TTC3: variants seen among roughly 807,000 people sequenced by gnomAD.
TTC3 encodes the protein tetratricopeptide repeat domain 3, also known as E3 ubiquitin-protein ligase TTC3.
In TTC3, 180 loss-of-function variants were observed where a neutral mutation model predicts 249.6. That is an observed-to-expected ratio of 0.72 (90% CI 0.64 to 0.82). The LOEUF is 0.82. Ranked by LOEUF, TTC3 falls within the 40% of genes least tolerant of loss-of-function variation. TTC3 has a pLI of 0.00. For missense variants in TTC3, 2,061 were observed against 2,398.4 expected (o/e 0.86, Z 2.94); for synonymous variants, 717 against 805.0 (o/e 0.89, Z 1.85).
intron 10 of TTC3, among the ~76,000 whole-genome samples, chr21:37,105,976 A>G (rs1014828913): frequency 3.3e-5 from 5 of 152,216 alleles, no homozygotes; most frequent in African/African-American, 1.2e-4. Context: ...TTGTTGGGAC[A>G]GAGGGTATGC....
intron 13 of TTC3, among the ~76,000 whole-genome samples, chr21:37,123,480 T>C (rs546385763): frequency 2.0e-5 from 3 of 152,338 alleles, no homozygotes; most frequent in Admixed American, 2.0e-4. Flanking sequence ...ATACTTCCTA[T>C]TAGAAATAGG....
chr21:37,156,206 C>CTTTTTG (rs1555897043), intron 27 of TTC3, among the ~76,000 whole-genome samples: 2 of 69,124 alleles, frequency 2.9e-5, no homozygotes, highest in African/African-American at 1.0e-4. Flanking sequence ...CTGGCTAACT[C>CTTTTTG]TTTTTTTTTT....
rs573905982 is a variant in TTC3 at position 37,112,946 on chromosome 21, G to A, written c.900+4500G>A. Among the ~76,000 whole-genome samples the A allele has an allele frequency of 1.5e-3, 222 of 152,266 alleles. 2 individuals carry two copies. Among genetic ancestry groups the A allele is most frequent in the African/African-American group, 4.9e-3 (203 of 41,546 alleles). On this transcript the variant is annotated intron_variant, in intron 11 of 45. Transcript: ENST00000355666. ...ACAGAACCAATGACAAAAACCACAT[G>A]ATTATCTCAATAGATGCAGAAAAGT... is the stretch of plus-strand genomic sequence containing the variant.
intron 1 of TTC3, among the ~76,000 whole-genome samples, chr21:37,085,630 A>T (rs192836822): frequency 6.6e-6 from 1 of 152,352 alleles, no homozygotes; most frequent in Admixed American, 6.5e-5. Context: ...CGACCCAGGT[A>T]GTGATCTGAG....
At chr21:37,156,906 G>T (rs770924403) in exon 28 of TTC3, 3 of 1,613,006 alleles carry the variant, frequency 1.9e-6, no homozygotes, top group East Asian at 2.2e-5. Flanking sequence ...TGATATAATG[G>T]GTATGTGGAC....
intron 6 of TTC3, 158 bp downstream of exon 6, chr21:37,090,444 TG>T (rs1299440840): frequency 1.7e-6 from 1 of 592,250 alleles, no homozygotes; most frequent in Non-Finnish European, 2.1e-6. Context: ...CTCCTCATTT[TG>T]GGGGTTTGGA....
chr21:37,113,029 A>T (rs2075814163), intron 11 of TTC3, among the ~76,000 whole-genome samples: 1 of 152,242 alleles, frequency 6.6e-6, no homozygotes, highest in African/African-American at 2.4e-5. Context: ...TTAGGTATTG[A>T]TGGGATGTAT....
intron 6 of TTC3, among the ~76,000 whole-genome samples, chr21:37,091,006 G>A (rs2073191138): frequency 6.6e-6 from 1 of 152,172 alleles, no homozygotes; most frequent in Non-Finnish European, 1.5e-5. Context: ...GTCTGGCCAG[G>A]TTGTAGACCT....
chr21:37,191,604 G>GT (rs2084114762), intron 40 of TTC3, among the ~76,000 whole-genome samples, 180 bp downstream of exon 40: 1 of 152,032 alleles, frequency 6.6e-6, no homozygotes, highest in Non-Finnish European at 1.5e-5. Flanking sequence ...TTGAGTTGGA[G>GT]TTTCGCTCTT....
At chr21:37,077,099 G>C (rs1396349520) in intron 1 of TTC3, among the ~76,000 whole-genome samples, 1 of 116,088 alleles carries the variant, frequency 8.6e-6, no homozygotes, top group African/African-American at 2.9e-5. Context: ...CAATAAAGTT[G>C]CTTTTTTTTT....
intron 1 of TTC3, among the ~76,000 whole-genome samples, chr21:37,075,046 G>A (rs1473926365): frequency 6.6e-6 from 1 of 151,734 alleles, no homozygotes; most frequent in Non-Finnish European, 1.5e-5. Flanking sequence ...GTTGAGGTTT[G>A]TGTATATCTT....
At chr21:37,177,131 G>C (rs1016484322) in intron 35 of TTC3, among the ~76,000 whole-genome samples, 21 of 152,094 alleles carry the variant, frequency 1.4e-4, no homozygotes, top group Non-Finnish European at 2.4e-4. Flanking sequence ...GGTTCAGCTG[G>C]CTGTAGATTG....
chr21:37,114,123 C>G (rs1209032049), intron 11 of TTC3, among the ~76,000 whole-genome samples: 3 of 152,168 alleles, frequency 2.0e-5, no homozygotes, highest in Admixed American at 2.0e-4. Context: ...GGGACATAGG[C>G]ATGGGCAAGG....
intron 11 of TTC3, among the ~76,000 whole-genome samples, chr21:37,117,776 G>A (rs1208480129): frequency 2.0e-5 from 3 of 149,770 alleles, no homozygotes; most frequent in African/African-American, 7.4e-5. Flanking sequence ...AGGCTAAGGT[G>A]GGATAATCAC....
chr21:37,075,286 C>T (rs1483234157), intron 1 of TTC3, among the ~76,000 whole-genome samples: 1 of 151,368 alleles, frequency 6.6e-6, no homozygotes, highest in African/African-American at 2.4e-5. Flanking sequence ...TATGAATATA[C>T]CATATTTATT....
chr21:37,152,444 T>C (rs2079564082), intron 26 of TTC3, among the ~76,000 whole-genome samples: 1 of 150,660 alleles, frequency 6.6e-6, no homozygotes, highest in African/African-American at 2.4e-5. Context: ...TGGAGTGCAG[T>C]GGCGCGATCT....
intron 18 of TTC3, among the ~76,000 whole-genome samples, chr21:37,136,718 A>G (rs966978110): frequency 6.6e-5 from 10 of 152,244 alleles, no homozygotes; most frequent in Non-Finnish European, 1.3e-4. Context: ...AGTGAAGATC[A>G]TTGATGAAGG....
chr21:37,123,711 T>G (rs1601605066), intron 13 of TTC3, among the ~76,000 whole-genome samples: 1 of 152,090 alleles, frequency 6.6e-6, no homozygotes, highest in Non-Finnish European at 1.5e-5. Context: ...TAACTTAACT[T>G]AGGATATTTA....
At chr21:37,124,582 A>G in intron 13 of TTC3, 37 bp from the exon 14 acceptor site, 1 of 1,598,024 alleles carries the variant, frequency 6.3e-7, no homozygotes, top group Non-Finnish European at 8.5e-7. Context: ...GATAACTTTC[A>G]AAAAATGTAT....
Sources: gnomAD v4.1 joint callset for allele counts (sites outside exome capture counted in the v4.1 genomes callset) on GRCh38, gnomAD v4.1.1 for gene constraint, MANE v1.5 for transcripts, NCBI Gene and HGNC (gene_info 2026-07-23, HGNC 2026-07-21) for gene names.